TAOK3: variants seen among roughly 807,000 people sequenced by gnomAD.
TAOK3 encodes the protein serine/threonine-protein kinase TAO3.
TAOK3 carries 40 observed loss-of-function variants against 120.4 expected under a neutral mutation model. That is an observed-to-expected ratio of 0.33 (90% CI 0.26 to 0.43). The LOEUF (loss-of-function observed/expected upper bound fraction) is 0.43, where lower values mean the gene tolerates loss of function less well. Among genes scored for constraint, TAOK3 ranks in the 20% least tolerant of loss-of-function variants. TAOK3 has a pLI of 1.00. For synonymous variants in TAOK3, 355 were observed against 387.5 expected, an observed-to-expected ratio of 0.92 and a Z score of 0.99; for missense variants, 821 against 1,112.1, an observed-to-expected ratio of 0.74 and a Z score of 3.72.
At position 118,160,348 on chromosome 12, in the gene TAOK3, A is replaced by G; in HGVS notation, c.2150T>C (p.Met717Thr). 6.2e-7 allele frequency: 1 copy of G among 1,613,772 alleles called. No individual in the cohort carries two copies. Among genetic ancestry groups the G allele is most frequent in the Non-Finnish European group, 8.5e-7 (1 of 1,179,896 alleles). Residue 717 changes from methionine to threonine, a missense_variant, in exon 19 of 21, where the codon ATG becomes ACG. By Grantham distance (81) the Met-to-Thr change is moderately conservative (BLOSUM62 -1). Around this residue, in one of 2 missense-constraint regions of TAOK3, gnomAD observed 354 missense variants for 572.1 expected, o/e 0.62. Coordinates refer to ENST00000392533, the MANE Select transcript of TAOK3 (RefSeq NM_016281.4). This position sits in a 1 kb window ranked among gnomAD's most constrained non-coding sequence, Gnocchi z 4.2. Reference protein sequence around the residue: ...QQPKNLKAMEMQIKKQFQDTC... With the variant: ...QQPKNLKAMETQIKKQFQDTC... ...GTCCTGAAACTGTTTTTTAATTTGCATTTCCATGGCCTGGGTAGAAAAAGT... is the reference window on the plus strand; with the variant it reads ...GTCCTGAAACTGTTTTTTAATTTGCGTTTCCATGGCCTGGGTAGAAAAAGT...
At chr12:118,261,435 A>T (rs1014998722) in intron 2 of TAOK3, 1 of 152,164 alleles carries the variant, frequency 6.6e-6, no homozygotes, top group Non-Finnish European at 1.5e-5. Flanking sequence ...GTATCCAGAG[A>T]AAAAAAGCAT....
At chr12:118,250,229 G>T (rs2040690103) in intron 3 of TAOK3, among the ~76,000 whole-genome samples, 1 of 152,020 alleles carries the variant, frequency 6.6e-6, no homozygotes, top group African/African-American at 2.4e-5. Flanking sequence ...CCAAAGTGCT[G>T]GGATTACATG....
chr12:118,350,517 T>TGTC (rs1158768974), intron 1 of TAOK3, among the ~76,000 whole-genome samples: 1 of 152,186 alleles, frequency 6.6e-6, no homozygotes, highest in Non-Finnish European at 1.5e-5. Flanking sequence ...TTATTGTTGT[T>TGTC]GTCCATCCTA....
intron 1 of TAOK3, among the ~76,000 whole-genome samples, chr12:118,360,595 G>T (rs992292927): frequency 6.7e-6 from 1 of 149,126 alleles, no homozygotes; most frequent in Non-Finnish European, 1.5e-5. Flanking sequence ...AAAAGTATGT[G>T]ATTTCATTCA....
At chr12:118,171,106 A>G (rs373153046) in intron 17 of TAOK3, among the ~76,000 whole-genome samples, 2 of 152,228 alleles carry the variant, frequency 1.3e-5, no homozygotes, top group Admixed American at 6.5e-5. Context: ...AGTGAATGCC[A>G]GCATATCCAT....
chr12:118,369,082 G>A (rs1311814751), intron 1 of TAOK3, among the ~76,000 whole-genome samples: 2 of 151,802 alleles, frequency 1.3e-5, no homozygotes, highest in African/African-American at 4.8e-5. Context: ...CAGCTACTCA[G>A]GAGGCTGAGG....
chr12:118,362,573 G>T (rs900391597), intron 1 of TAOK3, among the ~76,000 whole-genome samples: 5 of 152,094 alleles, frequency 3.3e-5, no homozygotes, highest in African/African-American at 1.2e-4. Flanking sequence ...GTTCACAGTC[G>T]CAAATTGCCT....
rs137887909 is a variant in TAOK3, at chr12:118,201,398, A to C, written c.885T>G (p.Asp295Glu). 6.2e-7 allele frequency: 1 copy of C among 1,614,140 alleles called. No homozygotes were observed. The highest frequency in any genetic ancestry group is 8.5e-7 in the Non-Finnish European group (1 of 1,179,990). ...VLIDLIQRTK[D>E]AVRELDNLQY... ...GTAGGTTATCTAGCTCACGAACTGC[A>C]TCTTTTGTCCTCTGTATGAGGTCAA... The change falls in exon 12 of 21, where the codon GAT (aspartate) becomes GAG (glutamate). Residue 295 changes from aspartate to glutamate, a missense_variant. By Grantham distance (45) the Asp-to-Glu change is conservative. Coordinates refer to ENST00000392533, the MANE Select transcript of TAOK3 (RefSeq NM_016281.4).
At chr12:118,181,757 A>G (rs967940051) in intron 14 of TAOK3, 150 bp from the exon 15 acceptor site, 3 of 659,592 alleles carry the variant, frequency 4.5e-6, no homozygotes, top group Non-Finnish European at 5.4e-6. Context: ...CGTAGGGGGC[A>G]CTGTGCTAGA....
intron 1 of TAOK3, among the ~76,000 whole-genome samples, chr12:118,321,730 T>C (rs1171707720): frequency 6.6e-6 from 1 of 152,326 alleles, no homozygotes; most frequent in East Asian, 1.9e-4. Flanking sequence ...ACCAAGTACA[T>C]AATTTCCATT....
At chr12:118,263,643 T>G (rs1566032484) in intron 2 of TAOK3, among the ~76,000 whole-genome samples, 1 of 152,010 alleles carries the variant, frequency 6.6e-6, no homozygotes, top group Non-Finnish European at 1.5e-5. Flanking sequence ...AACTTAATAA[T>G]AAGAAAATAA....
chr12:118,198,945 C>T (rs1437264440), intron 13 of TAOK3, 106 bp downstream of exon 13: 10 of 1,193,758 alleles, frequency 8.4e-6, no homozygotes, highest in African/African-American at 1.5e-5. Flanking sequence ...TAGTACCACA[C>T]TGCAGTTGCA....
intron 11 of TAOK3, among the ~76,000 whole-genome samples, chr12:118,202,473 C>T (rs1231404562): frequency 6.6e-6 from 1 of 152,126 alleles, no homozygotes; most frequent in Non-Finnish European, 1.5e-5. Flanking sequence ...CCCCAATCTA[C>T]ATTCCCACCA....
At chr12:118,350,968 C>A (rs1593659044) in intron 1 of TAOK3, among the ~76,000 whole-genome samples, 1 of 151,926 alleles carries the variant, frequency 6.6e-6, no homozygotes. Context: ...CACTTGAGGT[C>A]AGGACTTTGA....
At chr12:118,244,527 CT>C (rs377072006) in intron 4 of TAOK3, among the ~76,000 whole-genome samples, 2 of 129,558 alleles carry the variant, frequency 1.5e-5, no homozygotes, top group Non-Finnish European at 3.2e-5. Context: ...TTTCTTTTTT[CT>C]TTTTCTTTTT....
chr12:118,280,064 CTTT>C (rs35109102), intron 1 of TAOK3, among the ~76,000 whole-genome samples: 12 of 133,924 alleles, frequency 9.0e-5, no homozygotes, highest in Admixed American at 7.6e-5. Context: ...CGCGCCCCAC[CTTT>C]TTTTTTTTTT....
intron 13 of TAOK3, among the ~76,000 whole-genome samples, chr12:118,197,848 C>T (rs1363878921): frequency 1.3e-5 from 2 of 151,892 alleles, no homozygotes; most frequent in African/African-American, 4.8e-5. Flanking sequence ...CCACCACACC[C>T]GGCTAATTTT....
intron 1 of TAOK3, among the ~76,000 whole-genome samples, chr12:118,312,441 C>G (rs1382374243): frequency 6.6e-6 from 1 of 152,132 alleles, no homozygotes; most frequent in African/African-American, 2.4e-5. Context: ...TTCCTATAAC[C>G]TGTAACTAAC....
At chr12:118,253,587 A>G (rs2040848459) in intron 3 of TAOK3, among the ~76,000 whole-genome samples, 1 of 151,902 alleles carries the variant, frequency 6.6e-6, no homozygotes, top group Non-Finnish European at 1.5e-5. Context: ...AAATACAAAA[A>G]TTAGCCTGGC....
Sources: gnomAD v4.1 joint callset for allele counts (sites outside exome capture counted in the v4.1 genomes callset) on GRCh38, gnomAD v4.1.1 for gene constraint, gnomAD v4.1.1 regional missense constraint, Gnocchi (gnomAD v3.1) non-coding constraint, MANE v1.5 for transcripts, NCBI Gene and HGNC (gene_info 2026-07-23, HGNC 2026-07-21) for gene names.